The following LRRC28 variants were observed in gnomAD, a reference collection of about 807,000 sequenced individuals.
LRRC28 encodes the protein leucine rich repeat containing 28, also known as leucine-rich repeat-containing protein 28.
A neutral mutation model predicts 45.7 loss-of-function variants in LRRC28; 39 were observed. That is an observed-to-expected ratio of 0.85 (90% CI 0.66 to 1.12). LRRC28 has a LOEUF of 1.12. Ranked by LOEUF, LRRC28 falls within the 50% of genes most tolerant of loss-of-function variation. LRRC28 has a pLI of 0.00. For synonymous variants in LRRC28, 206 were observed against 178.8 expected, an observed-to-expected ratio of 1.15 and a Z score of -1.22; for missense variants, 435 against 438.5, an observed-to-expected ratio of 0.99 and a Z score of 0.07.
At chr15:99,350,057 A>G (rs1956825211) in intron 6 of LRRC28, among the ~76,000 whole-genome samples, 1 of 149,838 alleles carries the variant, frequency 6.7e-6, no homozygotes, top group Non-Finnish European at 1.5e-5. Flanking sequence ...AATGGCGTGA[A>G]CCCGGGAAGC....
chr15:99,337,180 C>G (rs763660523), intron 6 of LRRC28, among the ~76,000 whole-genome samples: 4 of 152,224 alleles, frequency 2.6e-5, no homozygotes, highest in Non-Finnish European at 5.9e-5. Flanking sequence ...GCCACTCATT[C>G]CTGCCTTTCT....
intron 6 of LRRC28, among the ~76,000 whole-genome samples, chr15:99,344,799 A>G (rs1385642519): frequency 4.6e-5 from 7 of 152,174 alleles, no homozygotes; most frequent in African/African-American, 1.4e-4. Flanking sequence ...TTTTTGCAGT[A>G]TAGAGAAAAG....
intron 2 of LRRC28, among the ~76,000 whole-genome samples, chr15:99,269,067 G>A (rs1279355922): frequency 6.6e-6 from 1 of 151,372 alleles, no homozygotes; most frequent in African/African-American, 2.4e-5. Context: ...AAATGTACTG[G>A]ATGTATAGTT....
chr15:99,353,311 G>A (rs1304690593), intron 7 of LRRC28, among the ~76,000 whole-genome samples: 1 of 152,162 alleles, frequency 6.6e-6, no homozygotes, highest in East Asian at 1.9e-4. Context: ...CCCATGCTAT[G>A]AGTAGTTCTG....
chr15:99,366,241 C>G (rs568204323), intron 9 of LRRC28, among the ~76,000 whole-genome samples: 3 of 152,244 alleles, frequency 2.0e-5, no homozygotes, highest in African/African-American at 4.8e-5. Flanking sequence ...GGGATCTGTT[C>G]CAGGCCTCCA....
intron 9 of LRRC28, among the ~76,000 whole-genome samples, chr15:99,377,031 T>TTGA (rs1161801267): frequency 1.3e-5 from 2 of 152,172 alleles, no homozygotes; most frequent in Admixed American, 1.3e-4. Flanking sequence ...TTATAGCAGC[T>TTGA]TGATTTATAA....
At chr15:99,332,059 T>G (rs1956178453) in intron 5 of LRRC28, 1 of 152,232 alleles carries the variant, frequency 6.6e-6, no homozygotes, top group Non-Finnish European at 1.5e-5. Flanking sequence ...CTCTCCCACA[T>G]AGTCATTTTT....
At chr15:99,371,499 C>A (rs1044409815) in intron 9 of LRRC28, among the ~76,000 whole-genome samples, 5 of 152,216 alleles carry the variant, frequency 3.3e-5, no homozygotes, top group African/African-American at 1.2e-4. Context: ...CTCCCACTCA[C>A]TAGTAGTTTA....
chr15:99,328,386 A>G (rs1272636763), intron 5 of LRRC28, among the ~76,000 whole-genome samples: 1 of 152,232 alleles, frequency 6.6e-6, no homozygotes, highest in African/African-American at 2.4e-5. Context: ...GCCGAATTCT[A>G]GGGAAGGAGT....
chr15:99,265,811 A>G (rs1292058020), intron 2 of LRRC28, among the ~76,000 whole-genome samples: 1 of 152,158 alleles, frequency 6.6e-6, no homozygotes, highest in Admixed American at 6.5e-5. Context: ...ATTTACAAGA[A>G]AAAAGGCCAC....
At chr15:99,381,648 C>G (rs1274140882) in intron 9 of LRRC28, among the ~76,000 whole-genome samples, 1 of 152,092 alleles carries the variant, frequency 6.6e-6, no homozygotes, top group Non-Finnish European at 1.5e-5. Flanking sequence ...CTGTTTTTTC[C>G]CCATCTTTGT....
chr15:99,344,495 G>A (rs771328260), intron 6 of LRRC28, among the ~76,000 whole-genome samples: 2 of 152,296 alleles, frequency 1.3e-5, no homozygotes, highest in African/African-American at 2.4e-5. Flanking sequence ...TCTGAACAGA[G>A]CAGATACTGA....
At chr15:99,261,522 T>A (rs1348789152) in intron 2 of LRRC28, among the ~76,000 whole-genome samples, 2 of 152,176 alleles carry the variant, frequency 1.3e-5, no homozygotes, top group Non-Finnish European at 2.9e-5. Flanking sequence ...TCTCACATGG[T>A]GGAAGGGGTC....
At chr15:99,304,407 C>G (rs1050745386) in intron 5 of LRRC28, among the ~76,000 whole-genome samples, 1 of 151,102 alleles carries the variant, frequency 6.6e-6, no homozygotes, top group African/African-American at 2.4e-5. Flanking sequence ...TCCGGCACTC[C>G]ATTCATTTAT....
At chr15:99,385,471 C>T (rs987129304) in intron 9 of LRRC28, among the ~76,000 whole-genome samples, 1 of 152,238 alleles carries the variant, frequency 6.6e-6, no homozygotes, top group Admixed American at 6.5e-5. Flanking sequence ...GCTCATGACT[C>T]ACGCACAAAG....
chr15:99,285,138 A>C, intron 3 of LRRC28: 2 of 719,500 alleles, frequency 2.8e-6, no homozygotes, highest in Non-Finnish European at 5.1e-6. Context: ...TTACAAAATC[A>C]AAGCCCCTTT....
chr15:99,375,893 T>G (rs893866675), intron 9 of LRRC28, among the ~76,000 whole-genome samples: 2 of 152,062 alleles, frequency 1.3e-5, no homozygotes, highest in Non-Finnish European at 2.9e-5. Context: ...TTATTGTTAT[T>G]CATAATCCTA....
intron 9 of LRRC28, among the ~76,000 whole-genome samples, chr15:99,378,155 T>C (rs1393395142): frequency 1.3e-5 from 2 of 152,236 alleles, no homozygotes; most frequent in East Asian, 1.9e-4. Context: ...TTTCATGATA[T>C]TGATTCTTCC....
chr15:99,325,556 G>T (rs1401235202), intron 5 of LRRC28, among the ~76,000 whole-genome samples: 1 of 152,172 alleles, frequency 6.6e-6, no homozygotes, highest in African/African-American at 2.4e-5. Context: ...CATTAACGTA[G>T]TGTTCCATAC....
Sources: allele counts gnomAD v4.1 joint callset (sites outside exome capture counted in the v4.1 genomes callset), GRCh38; gene constraint gnomAD v4.1.1; transcripts MANE v1.5; gene names NCBI Gene and HGNC (gene_info 2026-07-23, HGNC 2026-07-21).